The following F5 variants were observed in gnomAD, a reference collection of about 807,000 sequenced individuals.
The protein encoded by F5 is activated protein c cofactor.
F5 carries 138 observed loss-of-function variants against 216.4 expected under a neutral mutation model. That is an observed-to-expected ratio of 0.64 (90% CI 0.56 to 0.73). F5 has a LOEUF of 0.73. Among genes scored for constraint, F5 ranks in the 30% least tolerant of loss-of-function variants. The pLI, the probability that F5 is intolerant of heterozygous loss-of-function variation, is 0.00. For synonymous variants in F5, 916 were observed against 930.7 expected, an observed-to-expected ratio of 0.98 and a Z score of 0.29; for missense variants, 2,403 against 2,674.0, an observed-to-expected ratio of 0.90 and a Z score of 2.24.
chr1:169,549,225 G>C (rs1239235359), intron 10 of F5, among the ~76,000 whole-genome samples: 1 of 152,152 alleles, frequency 6.6e-6, no homozygotes, highest in African/African-American at 2.4e-5. Flanking sequence ...CTTCAATGAA[G>C]ACAAACTCAG....
chr1:169,538,632 G>A lies in F5; in HGVS notation c.4796+1662C>T, dbSNP rs896543203. Reference sequence around the variant, plus strand: ...GGTACACCCATATAATGGAATACATGCAATAACCAGATGAATCTCCAGAGA... The same window carrying A: ...GGTACACCCATATAATGGAATACATACAATAACCAGATGAATCTCCAGAGA... On this transcript the variant is annotated intron_variant, in intron 13 of 24. Transcript: ENST00000367797. 4.6e-5 allele frequency among the ~76,000 whole-genome samples: 7 copies of A among 152,258 alleles called. No homozygotes were observed. The South Asian group carries it at 1.0e-3, about 23-fold the overall frequency.
Position 169,586,255 on chromosome 1 carries a change from G to C in F5, c.132C>G (p.Ser44Arg). Residue 44 changes from serine to arginine, a missense_variant, in exon 1 of 25, where the codon AGC becomes AGG. By Grantham distance (110) the Ser-to-Arg change is moderately radical. This residue lies in a region of F5 where 1,425 missense variants were observed against 1,554.8 expected (regional missense o/e 0.92). Transcript: ENST00000367797. Reference sequence around the variant, plus strand: ...TTGAGTTTGTGGGCTCAGGTCGGTAGCTCCAACTGATGCCCTGAGCAGCCA... The same window carrying C: ...TTGAGTTTGTGGGCTCAGGTCGGTACCTCCAACTGATGCCCTGAGCAGCCA... ...FYVAAQGISW[S>R]YRPEPTNSSL... 1 of 1,614,166 alleles carries C rather than the reference G, an allele frequency of 6.2e-7. No individual in the cohort carries two copies. Among genetic ancestry groups the C allele is most frequent in the African/African-American group, 1.3e-5 (1 of 75,048 alleles).
At chr1:169,527,237 C>T in intron 17 of F5, among the ~76,000 whole-genome samples, 1 of 152,062 alleles carries the variant, frequency 6.6e-6, no homozygotes, top group Non-Finnish European at 1.5e-5. Context: ...GAACAAAATC[C>T]CTCTGCCTTC....
chr1:169,523,141 A>G, intron 21 of F5, 56 bp downstream of exon 21: 1 of 1,588,254 alleles, frequency 6.3e-7, no homozygotes, highest in Non-Finnish European at 8.6e-7. Flanking sequence ...TATAGTCATA[A>G]TAATTCTAGG....
At chr1:169,562,448 G>A (rs1660505092) in intron 3 of F5, among the ~76,000 whole-genome samples, 1 of 151,956 alleles carries the variant, frequency 6.6e-6, no homozygotes, top group South Asian at 2.1e-4. Flanking sequence ...TAATTGTAGT[G>A]TTCTTTCCAT....
intron 10 of F5, 64 bp downstream of exon 10, chr1:169,549,737 C>T: frequency 5.6e-6 from 7 of 1,255,156 alleles, no homozygotes; most frequent in Non-Finnish European, 8.1e-6. Context: ...GCCAGGAGAC[C>T]TAACATGTTC....
chr1:169,566,036 G>C (rs1384557353), intron 3 of F5, among the ~76,000 whole-genome samples: 1 of 152,098 alleles, frequency 6.6e-6, no homozygotes, highest in African/African-American at 2.4e-5. Context: ...CATTATCTGT[G>C]AAAGATTACA....
Position 169,542,503 on chromosome 1 carries a change from C to T in F5, c.2587G>A (p.Ala863Thr). The T allele has an allele frequency of 6.2e-7, 1 of 1,614,076 alleles. No homozygotes were observed. Among genetic ancestry groups the T allele is most frequent in the East Asian group, 2.2e-5 (1 of 44,868 alleles). ...TCTACCTTGGGTCCCTTATGCTTAG[C>T]ATGTTCTTGACTTTTGAATTCTCCA... ...GAGEFKSQEH[A>T]KHKGPKVERD... The change falls in exon 13 of 25, where the codon GCT becomes ACT. Residue 863 changes from alanine to threonine, a missense_variant. Around this residue, in one of 4 missense-constraint regions of F5, gnomAD observed 1,425 missense variants for 1,554.8 expected, o/e 0.92. Transcript: ENST00000367797.
At chr1:169,554,166 C>T (rs981858050) in intron 7 of F5, among the ~76,000 whole-genome samples, 10 of 152,116 alleles carry the variant, frequency 6.6e-5, no homozygotes, top group Admixed American at 5.9e-4. Context: ...AAATGACCTC[C>T]CTACCCTCCC....
At chr1:169,563,322 C>T (rs1660523811) in intron 3 of F5, among the ~76,000 whole-genome samples, 1 of 152,030 alleles carries the variant, frequency 6.6e-6, no homozygotes, top group South Asian at 2.1e-4. Flanking sequence ...CATGTTCCTT[C>T]TTCTTAGTTT....
Position 169,556,812 on chromosome 1 carries a change from C to G in F5, c.786G>C (p.Ser262=). The change falls in exon 6 of 25, where the codon TCG becomes TCC. Residue 262 remains serine (S), a synonymous_variant. Transcript: ENST00000367797. ...AATGAATGGAGAATAATTCTGGCCCCGAGCTCATTCCCAGCAGATGCCAGC... is the reference window on the plus strand; with the variant it reads ...AATGAATGGAGAATAATTCTGGCCCGGAGCTCATTCCCAGCAGATGCCAGC... ...HISWHLLGMS[S]GPELFSIHFN... The G allele has an allele frequency of 1.9e-6, 3 of 1,614,008 alleles. No homozygotes were observed. The highest frequency in any genetic ancestry group is 2.5e-6 in the Non-Finnish European group (3 of 1,179,996).
At chr1:169,557,735 C>T (rs1162585603) in intron 5 of F5, among the ~76,000 whole-genome samples, 1 of 151,794 alleles carries the variant, frequency 6.6e-6, no homozygotes, top group Non-Finnish European at 1.5e-5. Flanking sequence ...TCCTTACCCA[C>T]ACAAAGGCTT....
intron 5 of F5, 120 bp downstream of exon 5, chr1:169,559,033 C>G: frequency 9.9e-7 from 1 of 1,012,762 alleles, no homozygotes; most frequent in Non-Finnish European, 1.5e-6. Flanking sequence ...ATATTTCCTT[C>G]TTGATAGGGA....
chr1:169,542,607 G>C lies in F5; in HGVS notation c.2483C>G (p.Ser828Cys). 6.2e-7 allele frequency: 1 copy of C among 1,614,080 alleles called. No individual in the cohort carries two copies. Among genetic ancestry groups the C allele is most frequent in the Non-Finnish European group, 8.5e-7 (1 of 1,179,984 alleles). Residue 828 changes from serine to cysteine, a missense_variant, in exon 13 of 25, where the codon TCC becomes TGC. Around this residue, in one of 4 missense-constraint regions of F5, gnomAD observed 1,425 missense variants for 1,554.8 expected, o/e 0.92. Transcript: ENST00000367797. ...SVLNSSTAEH[S>C]SPYSEDPIED... ...TATAGGGTCTTCAGAATATGGGCTG[G>C]AATGCTCTGCTGTGGAAGAATTGAG...
chr1:169,534,896 C>T (rs969192401), intron 14 of F5, among the ~76,000 whole-genome samples: 1 of 152,132 alleles, frequency 6.6e-6, no homozygotes, highest in African/African-American at 2.4e-5. Context: ...TGGATGCCAG[C>T]TGGAGGCTAT....
Position 169,529,607 on chromosome 1 carries a change from C to A in F5, c.5419+1G>T. On this transcript the variant is annotated splice_donor_variant, in intron 16 of 24. Transcript: ENST00000367797. LOFTEE classifies it high-confidence loss of function. ...ATTAGATCAAAGTCTGAGGAAAATA[C>A]CGTGAAACTCATGGGATTTTTTCAT... 6.2e-7 allele frequency: 1 copy of A among 1,613,156 alleles called. No homozygotes were observed. Among genetic ancestry groups the A allele is most frequent in the Non-Finnish European group, 8.5e-7 (1 of 1,179,294 alleles).
intron 3 of F5, among the ~76,000 whole-genome samples, chr1:169,572,004 TAA>T (rs1660734542): frequency 6.6e-6 from 1 of 152,118 alleles, no homozygotes; most frequent in African/African-American, 2.4e-5. Flanking sequence ...TCCCAAACAT[TAA>T]AGAGTAAGAA....
intron 19 of F5, among the ~76,000 whole-genome samples, chr1:169,524,634 C>G (rs190697664): frequency 1.3e-5 from 2 of 152,292 alleles, no homozygotes; most frequent in Admixed American, 1.3e-4. Context: ...TAAGAGCACA[C>G]TAACAGGCCT....
intron 2 of F5, among the ~76,000 whole-genome samples, chr1:169,575,331 G>A (rs1660818851): frequency 6.6e-6 from 1 of 152,192 alleles, no homozygotes; most frequent in Non-Finnish European, 1.5e-5. Context: ...AAAGGAAGGG[G>A]CAGAAGGTGA....
Sources: gnomAD v4.1 joint callset for allele counts (sites outside exome capture counted in the v4.1 genomes callset) on GRCh38, gnomAD v4.1.1 for gene constraint, gnomAD v4.1.1 regional missense constraint, MANE v1.5 for transcripts, NCBI Gene and HGNC (gene_info 2026-07-23, HGNC 2026-07-21) for gene names.